Variants in NCOA1 observed in about 807,000 individuals in gnomAD.
The protein encoded by NCOA1 is nuclear receptor coactivator 1.
Under a neutral mutation model 150.9 loss-of-function variants are expected in NCOA1, and 35 were observed. The observed-to-expected ratio is 0.23, with a 90% confidence interval of 0.18 to 0.31. The LOEUF (loss-of-function observed/expected upper bound fraction) is 0.31. NCOA1 is among the 10% of genes least tolerant of loss of function. The pLI, the probability that NCOA1 is intolerant of heterozygous loss-of-function variation, is 1.00. For missense variants in NCOA1, 1,491 were observed against 1,749.3 expected (o/e 0.85, Z 2.63); for synonymous variants, 590 against 630.0 (o/e 0.94, Z 0.95).
intron 17 of NCOA1, among the ~76,000 whole-genome samples, chr2:24,730,370 A>G (rs866820134): frequency 6.6e-6 from 1 of 152,228 alleles, no homozygotes. Context: ...AGAGACCTAT[A>G]ACTTAAAGAA....
chr2:24,747,327 C>CTTTTTTTTTTTTTTTTTTTTTTCTT (rs148901218), intron 19 of NCOA1, among the ~76,000 whole-genome samples: 2 of 120,164 alleles, frequency 1.7e-5, no homozygotes, highest in Non-Finnish European at 3.5e-5. Flanking sequence ...TTATTTTTCT[C>CTTTTTTTTTTTTTTTTTTTTTTCTT]TTTTTTTTTT....
intron 2 of NCOA1, among the ~76,000 whole-genome samples, chr2:24,570,132 G>T (rs551252042): frequency 6.7e-6 from 1 of 149,398 alleles, no homozygotes; most frequent in African/African-American, 2.5e-5. Context: ...TAATTTCTGG[G>T]TCCACGTTCA....
At chr2:24,705,267 A>C in intron 12 of NCOA1, 34 bp downstream of exon 12, 1 of 1,602,374 alleles carries the variant, frequency 6.2e-7, no homozygotes, top group Non-Finnish European at 8.5e-7. Context: ...ATATGAAATA[A>C]GCCAGTTCAC....
chr2:24,758,193 A>G (rs1381007441), intron 21 of NCOA1, 37 bp downstream of exon 21: 4 of 1,553,164 alleles, frequency 2.6e-6, no homozygotes, highest in South Asian at 1.2e-5. Context: ...GCCACACCAC[A>G]TCACAGTTAA....
At chr2:24,609,280 GT>G (rs1411054147) in intron 3 of NCOA1, among the ~76,000 whole-genome samples, 3 of 152,196 alleles carry the variant, frequency 2.0e-5, no homozygotes, top group Admixed American at 6.5e-5. Flanking sequence ...GTTAGTTTTA[GT>G]GGGTTATGTA....
In NCOA1 at chr2:24,750,711, G is replaced by A. The variant is rs150617331; in HGVS notation, c.3707-1271G>A. On this transcript the variant is annotated intron_variant, in intron 19 of 22. Transcript: ENST00000348332. The stretch of plus-strand genomic sequence containing the variant: ...ATTGACTACAAACAGGTACAAGGAA[G>A]GGAATTTGGGGAATGATTAGGTGTC... 2.0e-3 allele frequency among the ~76,000 whole-genome samples: 311 copies of A among 152,266 alleles called. 2 individuals carry two copies. The highest frequency in any genetic ancestry group is 0.01 in the Middle Eastern group (3 of 294).
intron 4 of NCOA1, among the ~76,000 whole-genome samples, chr2:24,648,666 C>T (rs533053615): frequency 6.6e-6 from 1 of 152,308 alleles, no homozygotes; most frequent in South Asian, 2.1e-4. Context: ...CATTTTATAA[C>T]ACCCTCAAAA....
At position 24,768,290 on chromosome 2, in the gene NCOA1, C is replaced by T; in HGVS notation, c.4225C>T (p.Leu1409=). The T allele has an allele frequency of 6.2e-7, 1 of 1,613,836 alleles. No homozygotes were observed. Among genetic ancestry groups the T allele is most frequent in the Non-Finnish European group, 8.5e-7 (1 of 1,179,916 alleles). Residue 1409 remains leucine (L), a synonymous_variant, in exon 23 of 23, where the codon CTG becomes TTG. Coordinates refer to ENST00000348332, the MANE Select transcript of NCOA1 (RefSeq NM_003743.5). ...GAATCTGGTAGGCGGGGACCCTTACCTGAACCAGCCTGGTCCACTGGGAAC... is the reference window on the plus strand; with the variant it reads ...GAATCTGGTAGGCGGGGACCCTTACTTGAACCAGCCTGGTCCACTGGGAAC... The part of the protein sequence containing the change: ...TVNLVGGDPY[L]NQPGPLGTQK...
chr2:24,727,157 A>T (rs1480841178), intron 15 of NCOA1, among the ~76,000 whole-genome samples: 2 of 151,480 alleles, frequency 1.3e-5, no homozygotes, highest in Non-Finnish European at 2.9e-5. Context: ...AAAAAAAAAA[A>T]AAAAAGGGTG....
intron 3 of NCOA1, among the ~76,000 whole-genome samples, chr2:24,607,580 C>T (rs571770173): frequency 9.3e-4 from 141 of 151,686 alleles, no homozygotes; most frequent in African/African-American, 3.4e-3. Context: ...GTCCCAGCTA[C>T]TCCGGAGGCT....
chr2:24,553,586 AC>A (rs1665955364), intron 1 of NCOA1, among the ~76,000 whole-genome samples: 1 of 152,202 alleles, frequency 6.6e-6, no homozygotes, highest in Non-Finnish European at 1.5e-5. Flanking sequence ...GTGGCGTATT[AC>A]ATTGATGGAT....
intron 2 of NCOA1, among the ~76,000 whole-genome samples, chr2:24,581,148 G>T (rs1311887768): frequency 6.6e-6 from 1 of 152,320 alleles, no homozygotes; most frequent in African/African-American, 2.4e-5. Context: ...CCTCCACAGG[G>T]TGATAGTCTC....
intron 3 of NCOA1, among the ~76,000 whole-genome samples, chr2:24,597,476 G>A (rs1382350591): frequency 6.6e-6 from 1 of 152,116 alleles, no homozygotes; most frequent in Non-Finnish European, 1.5e-5. Context: ...ATAATCAATG[G>A]GAGTATTGTT....
Position 24,665,840 on chromosome 2 carries a change from A to C in NCOA1, c.181A>C (p.Ser61Arg), listed in dbSNP as rs1671393349. 6.2e-7 allele frequency: 1 copy of C among 1,605,614 alleles called. No individual in the cohort carries two copies. The highest frequency in any genetic ancestry group is 8.5e-7 in the Non-Finnish European group (1 of 1,175,778). The change falls in exon 6 of 23, where the codon AGT (serine) becomes CGT (arginine). Residue 61 changes from serine to arginine, a missense_variant. This residue lies in a region of NCOA1 where 80 missense variants were observed against 163.0 expected (regional missense o/e 0.49). Transcript: ENST00000348332. ...CAACATTAGTGACATTGACAGCTTG[A>C]GTGTAAAACCAGACAAATGCAAGAT... ...SANISDIDSL[S>R]VKPDKCKILK... is the part of the protein sequence containing the mutation.
intron 16 of NCOA1, 26 bp from the exon 17 acceptor site, chr2:24,729,475 A>C: frequency 6.3e-7 from 1 of 1,586,578 alleles, no homozygotes. Context: ...TTTATTTGTA[A>C]AATATTCTGG....
chr2:24,621,253 T>G (rs1669140410), intron 3 of NCOA1, among the ~76,000 whole-genome samples: 1 of 152,082 alleles, frequency 6.6e-6, no homozygotes, highest in Admixed American at 6.6e-5. Flanking sequence ...GTAACGGCAC[T>G]TCAGTCCTCA....
intron 4 of NCOA1, 147 bp from the exon 5 acceptor site, chr2:24,658,514 T>A: frequency 1.7e-6 from 1 of 595,548 alleles, no homozygotes; most frequent in Non-Finnish European, 3.0e-6. Context: ...TTTATGTAGA[T>A]CTTCATGTTT....
intron 1 of NCOA1, among the ~76,000 whole-genome samples, chr2:24,550,014 C>T (rs1665761157): frequency 6.6e-6 from 1 of 152,224 alleles, no homozygotes; most frequent in Admixed American, 6.5e-5. Flanking sequence ...GCAGGGGCAA[C>T]ATGCCACCAA....
intron 2 of NCOA1, among the ~76,000 whole-genome samples, chr2:24,574,896 G>A (rs1357740805): frequency 1.3e-5 from 2 of 151,678 alleles, no homozygotes; most frequent in Admixed American, 1.3e-4. Flanking sequence ...TTCCTCTTCT[G>A]GCAGTCTTTA....
Sources: gnomAD v4.1 joint callset for allele counts (sites outside exome capture counted in the v4.1 genomes callset) on GRCh38, gnomAD v4.1.1 for gene constraint, gnomAD v4.1.1 regional missense constraint, MANE v1.5 for transcripts, NCBI Gene and HGNC (gene_info 2026-07-23, HGNC 2026-07-21) for gene names.